Variants in POR observed in about 807,000 individuals in gnomAD.
POR encodes NADPH--cytochrome P450 reductase.
POR carries 56 observed loss-of-function variants against 84.0 expected under a neutral mutation model. The observed-to-expected ratio is 0.67, with a 90% confidence interval of 0.54 to 0.83. The LOEUF is 0.83. Ranked by LOEUF, POR falls within the 40% of genes least tolerant of loss-of-function variation. The pLI, the probability that POR is intolerant of heterozygous loss-of-function variation, is 0.00. For missense variants in POR, 938 were observed against 944.3 expected, an observed-to-expected ratio of 0.99 and a Z score of 0.09; for synonymous variants, 414 against 400.5, an observed-to-expected ratio of 1.03 and a Z score of -0.40.
chr7:75,974,524 C>CTT (rs1238804117), intron 3 of POR, among the ~76,000 whole-genome samples: 1,301 of 107,860 alleles, frequency 0.012, 52 homozygotes, highest in African/African-American at 0.038. Flanking sequence ...TTTTTCTTTT[C>CTT]TTTTTTTTTT....
chr7:75,969,948 G>A (rs1470313270), intron 2 of POR, among the ~76,000 whole-genome samples: 3 of 152,326 alleles, frequency 2.0e-5, no homozygotes, highest in African/African-American at 4.8e-5. Flanking sequence ...CGAAGACGGC[G>A]ACAGTAGCGT....
chr7:75,960,251 G>A (rs1045428480), intron 2 of POR, among the ~76,000 whole-genome samples: 4 of 151,770 alleles, frequency 2.6e-5, no homozygotes, highest in South Asian at 2.1e-4. Flanking sequence ...AGCTCACACC[G>A]CTGCACTCCA....
At position 75,928,871 on chromosome 7, in the gene POR, C is replaced by T. The variant is rs564760318; in HGVS notation, c.-5+13692C>T. On this transcript the variant is annotated intron_variant, in intron 1 of 15. Coordinates refer to ENST00000461988, the MANE Select transcript of POR (RefSeq NM_000941.3). ...CAAGCACATCTCCACAGCTAGCTGC[C>T]GGCAAGTACGCAGCTCTCTTGGTGG... 9.2e-5 allele frequency among the ~76,000 whole-genome samples: 14 copies of T among 152,016 alleles called. No homozygotes were observed. In the South Asian group the frequency reaches 1.9e-3, roughly 20 times the overall value.
chr7:75,921,423 A>G (rs1347298841), intron 1 of POR, among the ~76,000 whole-genome samples: 5 of 151,950 alleles, frequency 3.3e-5, no homozygotes. Context: ...CACCGCGCCC[A>G]GCTAATTTTT....
chr7:75,985,617 G>A lies in POR; in HGVS notation c.1437G>A (p.Val479=), dbSNP rs782074716. The stretch of plus-strand genomic sequence containing the variant: ...CTGTGCACATCTGTGCGGTGGTTGT[G>A]GAGTACGAGACCAAGGCTGGCCGCA... Residue 479 remains valine, a synonymous_variant, in exon 13 of 16, where the codon GTG becomes GTA. Transcript: ENST00000461988. The A allele has an allele frequency of 1.1e-5, 17 of 1,585,302 alleles. No homozygotes were observed. Among genetic ancestry groups the A allele is most frequent in the Middle Eastern group, 1.7e-4 (1 of 5,964 alleles).
chr7:75,974,958 C>T (rs1279260615), intron 3 of POR, among the ~76,000 whole-genome samples: 5 of 151,988 alleles, frequency 3.3e-5, no homozygotes, highest in Non-Finnish European at 5.9e-5. Flanking sequence ...ATATCTTGCC[C>T]GTTAAAGAGT....
At chr7:75,968,565 C>T (rs1333149722) in intron 2 of POR, among the ~76,000 whole-genome samples, 5 of 152,244 alleles carry the variant, frequency 3.3e-5, no homozygotes, top group East Asian at 1.9e-4. Flanking sequence ...CTTCTTGGAG[C>T]CCCCAGCAGG....
intron 2 of POR, chr7:75,967,775 G>A: frequency 3.3e-6 from 1 of 302,272 alleles, no homozygotes; most frequent in South Asian, 2.8e-5. Context: ...GAGGAGGGGT[G>A]TGTGCCCGGT....
chr7:75,946,120 CAG>C, intron 1 of POR, among the ~76,000 whole-genome samples: 1 of 152,126 alleles, frequency 6.6e-6, no homozygotes, highest in East Asian at 1.9e-4. Flanking sequence ...CCGAAATTGA[CAG>C]GGAATCGTGG....
intron 12 of POR, 92 bp downstream of exon 12, chr7:75,985,299 T>G: frequency 7.0e-7 from 1 of 1,419,084 alleles, no homozygotes; most frequent in Non-Finnish European, 9.3e-7. Flanking sequence ...AGCTCCGAGA[T>G]CTGAGCCCTG....
chr7:75,974,524 C>CTTTTTTTTTTTTTTTTTT (rs1238804117), intron 3 of POR, among the ~76,000 whole-genome samples: 114 of 107,830 alleles, frequency 1.1e-3, no homozygotes, highest in East Asian at 2.0e-3. Context: ...TTTTTCTTTT[C>CTTTTTTTTTTTTTTTTTT]TTTTTTTTTT....
chr7:75,971,172 G>C (rs1333214989), intron 2 of POR: 3 of 151,744 alleles, frequency 2.0e-5, no homozygotes, highest in African/African-American at 7.3e-5. Flanking sequence ...ATGTTGGTCA[G>C]GCTGGGCTCA....
At chr7:75,932,330 A>G (rs1314897297) in intron 1 of POR, among the ~76,000 whole-genome samples, 3 of 152,058 alleles carry the variant, frequency 2.0e-5, no homozygotes, top group East Asian at 1.9e-4. Context: ...GCAGGTGTGC[A>G]CCAACACGCC....
At chr7:75,958,100 G>A (rs1787765001) in intron 2 of POR, among the ~76,000 whole-genome samples, 1 of 152,108 alleles carries the variant, frequency 6.6e-6, no homozygotes, top group African/African-American at 2.4e-5. Context: ...AGGCTCTCAG[G>A]TGTTATGGAT....
chr7:75,986,509 G>A lies in POR; in HGVS notation c.*28G>A, dbSNP rs1554559542. The A allele has an allele frequency of 1.3e-6, 2 of 1,599,914 alleles. No homozygotes were observed. The highest frequency in any genetic ancestry group is 1.7e-6 in the Non-Finnish European group (2 of 1,177,594). On this transcript the variant is annotated 3_prime_UTR_variant, in exon 16 of 16. Coordinates refer to ENST00000461988, the MANE Select transcript of POR (RefSeq NM_000941.3). ...GCCTGCCTGCCCCACCCACCCCACA[G>A]ACTCCGGCCTGTAATCAGCTCTCCT...
At chr7:75,929,810 C>G (rs781949237) in intron 1 of POR, among the ~76,000 whole-genome samples, 2 of 152,170 alleles carry the variant, frequency 1.3e-5, no homozygotes, top group Non-Finnish European at 2.9e-5. Context: ...AGAGCACCCC[C>G]TGTGACTCCG....
chr7:75,936,989 G>C (rs1027763148), intron 1 of POR, among the ~76,000 whole-genome samples: 20 of 151,334 alleles, frequency 1.3e-4, no homozygotes, highest in Non-Finnish European at 2.5e-4. Flanking sequence ...ACCACACCCG[G>C]CTAATTTTTT....
chr7:75,977,803 G>A (rs1363442538), intron 3 of POR, among the ~76,000 whole-genome samples: 2 of 151,970 alleles, frequency 1.3e-5, no homozygotes, highest in African/African-American at 2.4e-5. Flanking sequence ...AAAAAGAAAA[G>A]AAAAAAAGAA....
intron 2 of POR, among the ~76,000 whole-genome samples, chr7:75,969,701 G>C (rs1788345361): frequency 6.6e-6 from 1 of 152,204 alleles, no homozygotes; most frequent in Admixed American, 6.5e-5. Context: ...GAGGTGGCTA[G>C]GGAGTGAGAA....
Sources: gnomAD v4.1 joint callset for allele counts (sites outside exome capture counted in the v4.1 genomes callset) on GRCh38, gnomAD v4.1.1 for gene constraint, MANE v1.5 for transcripts, NCBI Gene and HGNC (gene_info 2026-07-23, HGNC 2026-07-21) for gene names.